The following ARHGEF28 variants were observed in gnomAD, a reference collection of about 807,000 sequenced individuals.
ARHGEF28 encodes 190 kDa guanine nucleotide exchange factor.
In ARHGEF28, 152 loss-of-function variants were observed where a neutral mutation model predicts 206.6. The observed-to-expected ratio is 0.74, with a 90% CI of 0.64 to 0.84. The LOEUF is 0.84. Among genes scored for constraint, ARHGEF28 ranks in the 40% least tolerant of loss-of-function variants. The pLI is 0.00. For missense variants in ARHGEF28, 2,028 were observed against 2,073.2 expected, an observed-to-expected ratio of 0.98 and a Z score of 0.42; for synonymous variants, 763 against 776.4, an observed-to-expected ratio of 0.98 and a Z score of 0.29.
intron 9 of ARHGEF28, among the ~76,000 whole-genome samples, chr5:73,814,190 G>T (rs1756034552): frequency 6.6e-6 from 1 of 151,962 alleles, no homozygotes; most frequent in Non-Finnish European, 1.5e-5. Context: ...TATAAGGAAA[G>T]GAGTTGAAAA....
chr5:73,720,076 C>T (rs995132127), intron 2 of ARHGEF28, among the ~76,000 whole-genome samples: 4 of 152,186 alleles, frequency 2.6e-5, no homozygotes. Context: ...AAAATGAGTT[C>T]CTATAAAATA....
Position 73,840,647 on chromosome 5 carries a change from C to T in ARHGEF28, c.1314C>T (p.His438=), listed in dbSNP as rs746243592. 2.5e-6 allele frequency: 4 copies of T among 1,613,804 alleles called. No individual in the cohort carries two copies. In the South Asian group the frequency reaches 4.4e-5, roughly 18 times the overall value. The stretch of plus-strand genomic sequence containing the variant: ...GTGAAAATGTCGAAGGGACAGCACA[C>T]ACTGAAGCCCAGCAGTCCTTCATGT... ...PLSENVEGTA[H]TEAQQSFMSP... Residue 438 remains histidine (H), a synonymous_variant, in exon 11 of 36, where the codon CAC becomes CAT. Coordinates refer to ENST00000513042, the MANE Select transcript of ARHGEF28 (RefSeq NM_001177693.2).
chr5:73,645,034 T>G (rs1357823392), intron 1 of ARHGEF28, among the ~76,000 whole-genome samples: 5 of 152,218 alleles, frequency 3.3e-5, no homozygotes, highest in Non-Finnish European at 7.3e-5. Context: ...GGGCTCCTAT[T>G]AACATTTCAT....
intron 9 of ARHGEF28, among the ~76,000 whole-genome samples, chr5:73,800,021 C>A (rs1755042060): frequency 6.6e-6 from 1 of 152,088 alleles, no homozygotes; most frequent in Non-Finnish European, 1.5e-5. Flanking sequence ...TTATGTTAGT[C>A]TTCTATAATT....
chr5:73,634,120 C>A (rs77980720), intron 1 of ARHGEF28, among the ~76,000 whole-genome samples: 1 of 152,160 alleles, frequency 6.6e-6, no homozygotes, highest in African/African-American at 2.4e-5. Flanking sequence ...CCCTTTTAGT[C>A]TCAAGGTATC....
At chr5:73,804,692 G>T (rs77064073) in intron 9 of ARHGEF28, among the ~76,000 whole-genome samples, 8,465 of 150,448 alleles carry the variant, frequency 0.056, 320 homozygotes, top group East Asian at 0.1. Context: ...CCTTAATTGG[G>T]TTTTTTCTGA....
intron 2 of ARHGEF28, among the ~76,000 whole-genome samples, chr5:73,748,704 C>T (rs544156903): frequency 3.3e-5 from 5 of 152,176 alleles, no homozygotes; most frequent in African/African-American, 7.2e-5. Context: ...TGCTTCTCCA[C>T]GCAGGGCCGA....
intron 22 of ARHGEF28, 77 bp from the exon 23 acceptor site, chr5:73,882,395 A>G: frequency 9.7e-7 from 1 of 1,035,258 alleles, no homozygotes; most frequent in Non-Finnish European, 1.3e-6. Context: ...ATTTTGAAAT[A>G]GATGAAAATT....
At chr5:73,672,433 C>T (rs1336954110) in intron 1 of ARHGEF28, among the ~76,000 whole-genome samples, 1 of 152,186 alleles carries the variant, frequency 6.6e-6, no homozygotes, top group African/African-American at 2.4e-5. Flanking sequence ...GGTCTTCCTC[C>T]TTGCATCCTC....
At chr5:73,670,643 C>A (rs1746247110) in intron 1 of ARHGEF28, among the ~76,000 whole-genome samples, 1 of 152,180 alleles carries the variant, frequency 6.6e-6, no homozygotes, top group Non-Finnish European at 1.5e-5. Context: ...TCCATATCTG[C>A]TATAGCATTT....
chr5:73,631,383 G>A (rs183316761), intron 1 of ARHGEF28, among the ~76,000 whole-genome samples: 1 of 152,254 alleles, frequency 6.6e-6, no homozygotes, highest in East Asian at 1.9e-4. Flanking sequence ...CTGGTTTGCT[G>A]TATGATCAGG....
intron 35 of ARHGEF28, among the ~76,000 whole-genome samples, chr5:73,921,632 A>G (rs1013193308): frequency 6.6e-6 from 1 of 152,234 alleles, no homozygotes; most frequent in Non-Finnish European, 1.5e-5. Flanking sequence ...AATTATTTTC[A>G]CAGTGACTCT....
chr5:73,706,392 T>C (rs1310698864), intron 2 of ARHGEF28, among the ~76,000 whole-genome samples: 1 of 151,854 alleles, frequency 6.6e-6, no homozygotes, highest in Non-Finnish European at 1.5e-5. Context: ...CAAAACCACA[T>C]TGACGATGAT....
At chr5:73,812,921 C>T (rs141757935) in intron 9 of ARHGEF28, among the ~76,000 whole-genome samples, 3 of 152,184 alleles carry the variant, frequency 2.0e-5, no homozygotes, top group East Asian at 1.9e-4. Context: ...ATTAAAAGGG[C>T]GGTGAGACTG....
At chr5:73,717,635 G>A (rs1312451538) in intron 2 of ARHGEF28, among the ~76,000 whole-genome samples, 1 of 152,118 alleles carries the variant, frequency 6.6e-6, no homozygotes, top group African/African-American at 2.4e-5. Context: ...CATTTATTCA[G>A]TAAAAAGTTA....
intron 4 of ARHGEF28, among the ~76,000 whole-genome samples, chr5:73,760,515 C>A (rs1752547416): frequency 2.0e-5 from 3 of 152,284 alleles, no homozygotes; most frequent in South Asian, 2.1e-4. Flanking sequence ...TATACTCCTT[C>A]TGTTGCTAAG....
At chr5:73,804,238 C>T (rs1441570831) in intron 9 of ARHGEF28, among the ~76,000 whole-genome samples, 2 of 152,138 alleles carry the variant, frequency 1.3e-5, no homozygotes, top group African/African-American at 2.4e-5. Context: ...ATCTGCCACA[C>T]AGGTGCCAAA....
chr5:73,898,196 C>A (rs563751061), intron 30 of ARHGEF28, 103 bp downstream of exon 30: 7 of 1,367,000 alleles, frequency 5.1e-6, no homozygotes, highest in Non-Finnish European at 6.8e-6. Context: ...TTGAAGGGGA[C>A]TTGATATATT....
At chr5:73,911,894 C>G (rs1307991405) in intron 35 of ARHGEF28, among the ~76,000 whole-genome samples, 2 of 152,102 alleles carry the variant, frequency 1.3e-5, no homozygotes, top group African/African-American at 4.8e-5. Context: ...TATTTACTCC[C>G]CACTATTGTG....
Sources: gnomAD v4.1 joint callset for allele counts (sites outside exome capture counted in the v4.1 genomes callset) on GRCh38, gnomAD v4.1.1 for gene constraint, MANE v1.5 for transcripts, NCBI Gene and HGNC (gene_info 2026-07-23, HGNC 2026-07-21) for gene names.